CNPY3: variants seen among roughly 807,000 people sequenced by gnomAD.
CNPY3 encodes canopy FGF signaling regulator 3, also known as protein canopy homolog 3.
CNPY3 carries 20 observed loss-of-function variants against 32.0 expected under a neutral mutation model. The ratio of observed to expected loss-of-function variants is 0.63; its 90% confidence interval spans 0.44 to 0.91. The LOEUF (loss-of-function observed/expected upper bound fraction) is 0.91. Ranked by LOEUF, CNPY3 falls within the 40% of genes least tolerant of loss-of-function variation. The pLI, the probability that CNPY3 is intolerant of heterozygous loss-of-function variation, is 0.00. For missense variants in CNPY3, 299 were observed against 340.8 expected (o/e 0.88, Z 0.97); for synonymous variants, 138 against 142.9 (o/e 0.97, Z 0.24).
In CNPY3 at chr6:42,938,094, A is replaced by T; in HGVS notation, c.500A>T (p.Asp167Val). The T allele has an allele frequency of 6.2e-7, 1 of 1,612,846 alleles. No individual in the cohort carries two copies. The highest frequency in any genetic ancestry group is 8.5e-7 in the Non-Finnish European group (1 of 1,178,838). The stretch of plus-strand genomic sequence containing the variant: ...ATGAGGTATTATGATTAACAGTGTG[A>T]TGTGCTGGTGGAAGAGTTTGAGGAG... ...AEVADLKKQC[D>V]VLVEEFEEVI... is the part of the protein sequence containing the mutation. The change falls in exon 5 of 6, where the codon GAT becomes GTT. Residue 167 changes from aspartate (D) to valine (V), a missense_variant. By Grantham distance (152) the Asp-to-Val change is radical (BLOSUM62 -3). This residue lies in a region of CNPY3 where 211 missense variants were observed against 278.3 expected (regional missense o/e 0.76). Transcript: ENST00000372836.
chr6:42,938,518 C>T, intron 5 of CNPY3, 50 bp from the exon 6 acceptor site: 1 of 1,519,446 alleles, frequency 6.6e-7, no homozygotes, highest in Non-Finnish European at 8.9e-7. Flanking sequence ...TTGCCCAGCA[C>T]CCCAGCCCTG....
Position 42,937,716 on chromosome 6 carries a change from G to A in CNPY3, c.373-1G>A. The A allele has an allele frequency of 6.2e-7, 1 of 1,614,026 alleles. No homozygotes were observed. Among genetic ancestry groups the A allele is most frequent in the Non-Finnish European group, 8.5e-7 (1 of 1,179,958 alleles). On this transcript the variant is annotated splice_acceptor_variant, in intron 3 of 5. Transcript: ENST00000372836. LOFTEE classifies it high-confidence loss of function. ...CTGCCATATCTGGTCGCTTCTTCCAGGGCATGTCAGAGACCTTTGAGACAT... is the reference window on the plus strand; with the variant it reads ...CTGCCATATCTGGTCGCTTCTTCCAAGGCATGTCAGAGACCTTTGAGACAT...
intron 5 of CNPY3, 68 bp from the exon 6 acceptor site, chr6:42,938,500 A>G (rs1382619336): frequency 2.0e-5 from 29 of 1,424,534 alleles, no homozygotes; most frequent in Non-Finnish European, 2.6e-5. Context: ...CTCCCTGCTC[A>G]GTGCTCCTTG....
At chr6:42,933,331 A>C (rs1767968097) in intron 1 of CNPY3, among the ~76,000 whole-genome samples, 1 of 152,156 alleles carries the variant, frequency 6.6e-6, no homozygotes, top group South Asian at 2.1e-4. Context: ...TAGACTGAGT[A>C]TCTGGAAGGG....
Position 42,938,688 on chromosome 6 carries a change from A to T in CNPY3, c.734A>T (p.Gln245Leu). 3 of 1,613,826 alleles carry T rather than the reference A, an allele frequency of 1.9e-6. No homozygotes were observed. In the East Asian group the frequency reaches 6.7e-5, roughly 36 times the overall value. The stretch of plus-strand genomic sequence containing the variant: ...GGCGGCAGGAGTAGCAGCAGCAAAC[A>T]AAGGAAGGAGCTGGGTGGCCTTGAG... ...AAGGRSSSSK[Q>L]RKELGGLEGD... The change falls in exon 6 of 6, where the codon CAA becomes CTA. Residue 245 changes from glutamine (Q) to leucine (L), a missense_variant. Physicochemically the swap from Gln to Leu is moderately radical, Grantham distance 113. This residue lies in a region of CNPY3 where 211 missense variants were observed against 278.3 expected (regional missense o/e 0.76). Coordinates refer to ENST00000372836, the MANE Select transcript of CNPY3 (RefSeq NM_006586.5).
chr6:42,934,428 AT>A, intron 1 of CNPY3, 46 bp from the exon 2 acceptor site: 1 of 1,610,852 alleles, frequency 6.2e-7, no homozygotes, highest in Non-Finnish European at 8.5e-7. Context: ...CTGGCCTCCC[AT>A]TAGACTCATG....
rs1328211200 is a variant in CNPY3 at position 42,938,984 on chromosome 6, C to G, written c.*193C>G. On this transcript the variant is annotated 3_prime_UTR_variant, in exon 6 of 6. Coordinates refer to ENST00000372836, the MANE Select transcript of CNPY3 (RefSeq NM_006586.5). ...CATGGGTAGCCCACGCCGTCCTTTC[C>G]CCTCCCCAAGTGTTTCTCTCCTGAC... is the stretch of plus-strand genomic sequence containing the variant. The G allele has an allele frequency of 6.6e-6, 9 of 1,368,702 alleles. No individual in the cohort carries two copies. The highest frequency in any genetic ancestry group is 2.7e-5 in the East Asian group (1 of 37,106). 84.8% of individuals were successfully genotyped at this position (1,368,702 alleles called of 1,614,324 possible).
rs116796686 is a variant in CNPY3 at position 42,936,725 on chromosome 6, C to T, written c.373-992C>T. 9.4e-3 allele frequency among the ~76,000 whole-genome samples: 1,436 copies of T among 152,154 alleles called. 10 individuals are homozygous for T. Among genetic ancestry groups the T allele is most frequent in the Non-Finnish European group, 0.013 (881 of 67,994 alleles). On this transcript the variant is annotated intron_variant, in intron 3 of 5. Transcript: ENST00000372836. ...TAATTTTTGTGTTTTTTAGTAGAAA[C>T]GGGGTTTCACCATGCTGGCCAGGGG... is the stretch of plus-strand genomic sequence containing the variant.
In CNPY3 at chr6:42,929,521, C is replaced by G; in HGVS notation, c.-50C>G. ...CGAGGGGAAACTGCTCCGCGCGCGCCGCGGGAGGAGGAACCGCCCGGTCCT... is the reference window on the plus strand; with the variant it reads ...CGAGGGGAAACTGCTCCGCGCGCGCGGCGGGAGGAGGAACCGCCCGGTCCT... On this transcript the variant is annotated 5_prime_UTR_variant, in exon 1 of 6. Coordinates refer to ENST00000372836, the MANE Select transcript of CNPY3 (RefSeq NM_006586.5). 1 of 1,502,432 alleles carries G rather than the reference C, an allele frequency of 6.7e-7. No individual in the cohort carries two copies. The highest frequency in any genetic ancestry group is 8.9e-7 in the Non-Finnish European group (1 of 1,122,350). 93.1% of individuals were successfully genotyped at this position (1,502,432 alleles called of 1,614,324 possible). A position where few individuals can be genotyped will look rare whatever the true frequency, so the allele number is the denominator to read the frequency against.
At chr6:42,931,035 G>A (rs886619905) in intron 1 of CNPY3, among the ~76,000 whole-genome samples, 1 of 151,628 alleles carries the variant, frequency 6.6e-6, no homozygotes, top group East Asian at 2.0e-4. Context: ...GATTACAGGC[G>A]CATGCCACCA....
intron 3 of CNPY3, among the ~76,000 whole-genome samples, chr6:42,936,763 T>G (rs1768267340): frequency 6.6e-6 from 1 of 152,140 alleles, no homozygotes; most frequent in Non-Finnish European, 1.5e-5. Context: ...CTCGAACTCC[T>G]GACCTCAGGT....
chr6:42,933,678 A>G (rs1213759887), intron 1 of CNPY3, among the ~76,000 whole-genome samples: 1 of 152,208 alleles, frequency 6.6e-6, no homozygotes, highest in Non-Finnish European at 1.5e-5. Flanking sequence ...CAGGAGATAC[A>G]TGATGATATA....
At chr6:42,929,012 A>G (rs918483260), upstream of CNPY3, among the ~76,000 whole-genome samples, 1 of 152,122 alleles carries the variant, frequency 6.6e-6, no homozygotes, top group Admixed American at 6.5e-5. Flanking sequence ...AAGCGCCTAC[A>G]AGAGTGCCCG....
In CNPY3 at chr6:42,931,729, A is replaced by T. The variant is rs533076631; in HGVS notation, c.151+2008A>T. Among the ~76,000 whole-genome samples, 240 of 145,028 alleles carry T rather than the reference A, an allele frequency of 1.7e-3. 1 individual carries two copies. The highest frequency in any genetic ancestry group is 4.5e-3 in the African/African-American group (173 of 38,542). Reference sequence around the variant, plus strand: ...TCTTTTCTGTCTTATTATTATTATTATTATTTTTTTTTGAGACGGAGTCTT... The same window carrying T: ...TCTTTTCTGTCTTATTATTATTATTTTTATTTTTTTTTGAGACGGAGTCTT... On this transcript the variant is annotated intron_variant, in intron 1 of 5. Coordinates refer to ENST00000372836, the MANE Select transcript of CNPY3 (RefSeq NM_006586.5).
chr6:42,938,326 G>A, intron 5 of CNPY3, 119 bp downstream of exon 5: 1 of 867,502 alleles, frequency 1.2e-6, no homozygotes, highest in Non-Finnish European at 1.9e-6. Context: ...CTCTGCCCTT[G>A]AAAGGCTTGA....
In CNPY3 at chr6:42,938,561, A is replaced by T; in HGVS notation, c.614-7A>T. ...TCTGTTGAGGGTCTCTCTCCTCCAC[A>T]CCCTAGGTTGCCTGGCAGAGCAGTG... is the stretch of plus-strand genomic sequence containing the variant. On this transcript the variant is annotated splice_polypyrimidine_tract_variant and splice_region_variant and intron_variant, in intron 5 of 5. Coordinates refer to ENST00000372836, the MANE Select transcript of CNPY3 (RefSeq NM_006586.5). The T allele has an allele frequency of 6.4e-7, 1 of 1,571,766 alleles. No homozygotes were observed.
chr6:42,928,746 G>A (rs147502280), upstream of CNPY3, among the ~76,000 whole-genome samples: 1,427 of 152,270 alleles, frequency 9.4e-3, 7 homozygotes, highest in Middle Eastern at 0.017. Context: ...AAAAGGGGCT[G>A]GGATTACATA....
chr6:42,928,165 C>T (rs556199694), upstream of CNPY3, among the ~76,000 whole-genome samples: 3 of 149,590 alleles, frequency 2.0e-5, no homozygotes, highest in Admixed American at 6.6e-5. Context: ...CTTTTTGTAT[C>T]TTTAGTAGAG....
At chr6:42,930,299 A>G (rs1477505411) in intron 1 of CNPY3, among the ~76,000 whole-genome samples, 2 of 152,118 alleles carry the variant, frequency 1.3e-5, no homozygotes, top group Non-Finnish European at 2.9e-5. Flanking sequence ...ACCCACTAAC[A>G]ACTCCTCGAA....
Sources: allele counts gnomAD v4.1 joint callset (sites outside exome capture counted in the v4.1 genomes callset), GRCh38; gene constraint gnomAD v4.1.1; regional missense constraint gnomAD v4.1.1; transcripts MANE v1.5; gene names NCBI Gene and HGNC (gene_info 2026-07-23, HGNC 2026-07-21).